Variants in BANP observed in about 807,000 individuals in gnomAD.
BANP encodes the protein protein BANP.
BANP carries 11 observed loss-of-function variants against 68.1 expected under a neutral mutation model. The ratio of observed to expected loss-of-function variants is 0.16; its 90% CI spans 0.10 to 0.27. The LOEUF (loss-of-function observed/expected upper bound fraction) is 0.27, where lower values mean the gene tolerates loss of function less well. Ranked by LOEUF, BANP falls within the 10% of genes least tolerant of loss-of-function variation. The pLI, the probability that BANP is intolerant of heterozygous loss-of-function variation, is 1.00. For synonymous variants in BANP, 329 were observed against 303.2 expected, an observed-to-expected ratio of 1.09 and a Z score of -0.88; for missense variants, 504 against 722.7, an observed-to-expected ratio of 0.70 and a Z score of 3.47.
chr16:88,047,905 A>T (rs1193030191), intron 11 of BANP, among the ~76,000 whole-genome samples: 1 of 152,220 alleles, frequency 6.6e-6, no homozygotes, highest in Admixed American at 6.5e-5. Context: ...AACATTTTGA[A>T]GATTCTATCT....
chr16:88,074,000 G>A (rs1012455929), intron 13 of BANP, among the ~76,000 whole-genome samples: 3 of 152,206 alleles, frequency 2.0e-5, no homozygotes, highest in African/African-American at 7.2e-5. Flanking sequence ...TGGACTTGGT[G>A]GTGAGCGGGT....
intron 1 of BANP, among the ~76,000 whole-genome samples, chr16:87,967,272 T>G (rs866484715): frequency 1.6e-3 from 139 of 89,044 alleles, no homozygotes; most frequent in Non-Finnish European, 2.3e-3. Context: ...TTTTTTTTTT[T>G]TTTTTTTTGT....
intron 8 of BANP, among the ~76,000 whole-genome samples, chr16:88,027,872 G>A (rs969261275): frequency 5.3e-5 from 8 of 152,262 alleles, no homozygotes; most frequent in Admixed American, 1.3e-4. Flanking sequence ...AGGCTCCTCC[G>A]TGAGGGACAG....
intron 11 of BANP, among the ~76,000 whole-genome samples, chr16:88,043,092 G>C (rs1212537135): frequency 6.6e-6 from 1 of 152,212 alleles, no homozygotes; most frequent in Non-Finnish European, 1.5e-5. Context: ...CTCGGGCTTT[G>C]TAGAGCAGAG....
At chr16:87,963,189 A>T (rs1024749383) in intron 1 of BANP, among the ~76,000 whole-genome samples, 2 of 152,002 alleles carry the variant, frequency 1.3e-5, no homozygotes, top group African/African-American at 4.8e-5. Context: ...CGATCTGGGG[A>T]TGGGCTGGGA....
In BANP at chr16:88,036,594, G is replaced by T. The variant is rs1027296029; in HGVS notation, c.1272+1200G>T. On this transcript the variant is annotated intron_variant, in intron 10 of 13. Coordinates refer to ENST00000682872, the MANE Select transcript of BANP (RefSeq NM_001386991.1). The surrounding 1 kb of genome is among the most constrained non-coding windows in gnomAD (Gnocchi z 4.2). The stretch of plus-strand genomic sequence containing the variant: ...TTCCCGGTGGGTTATCCTGAGAGGG[G>T]AGCACATGCGTAAGGGTTCTGAGGG... Among the ~76,000 whole-genome samples, 3 of 152,132 alleles carry T rather than the reference G, an allele frequency of 2.0e-5. No individual in the cohort carries two copies. The highest frequency in any genetic ancestry group is 7.2e-5 in the African/African-American group (3 of 41,406).
intron 11 of BANP, among the ~76,000 whole-genome samples, chr16:88,038,447 A>G (rs56083509): frequency 0.14 from 21,563 of 151,896 alleles, 1,780 homozygotes; most frequent in South Asian, 0.37. Context: ...CTTTTGCGCT[A>G]TGGCGGAAAC....
intron 4 of BANP, among the ~76,000 whole-genome samples, chr16:87,986,442 G>A (rs956097698): frequency 6.6e-6 from 1 of 152,184 alleles, no homozygotes; most frequent in African/African-American, 2.4e-5. Flanking sequence ...TGGCCTTGAG[G>A]GTGCCTTGCT....
rs2058376639 is a variant in BANP, at chr16:87,957,752, TC to T, written c.-69+6240del. The stretch of plus-strand genomic sequence containing the variant: ...ATTTCCTTGCCGGTGTGAATGCGCT[TC>T]CCGTAAATATGGCAGAACGCCTTCA... On this transcript the variant is annotated intron_variant, in intron 1 of 13. Transcript: ENST00000682872. The surrounding 1 kb of genome is among the most constrained non-coding windows in gnomAD (Gnocchi z 4.3). Among the ~76,000 whole-genome samples the T allele has an allele frequency of 6.6e-6, 1 of 152,234 alleles. No homozygotes were observed. The highest frequency in any genetic ancestry group is 6.5e-5 in the Admixed American group (1 of 15,282).
intron 10 of BANP, chr16:88,037,585 C>T (rs1156855519): frequency 2.8e-5 from 7 of 253,382 alleles, no homozygotes; most frequent in Non-Finnish European, 4.6e-5. Flanking sequence ...GTGGTGATGC[C>T]GCACAGCTCA....
At chr16:88,034,569 AGT>A (rs934035300) in intron 9 of BANP, among the ~76,000 whole-genome samples, 2 of 147,480 alleles carry the variant, frequency 1.4e-5, no homozygotes, top group African/African-American at 5.1e-5. Flanking sequence ...CCCTGTTGTG[AGT>A]GTAGGCACGC....
chr16:88,055,591 A>G (rs1023228739), intron 11 of BANP, among the ~76,000 whole-genome samples: 1 of 152,216 alleles, frequency 6.6e-6, no homozygotes, highest in Non-Finnish European at 1.5e-5. Flanking sequence ...AAGACATGGG[A>G]AATGTCCAAC....
chr16:88,059,816 C>T (rs900087265), intron 11 of BANP, among the ~76,000 whole-genome samples: 10 of 152,232 alleles, frequency 6.6e-5, no homozygotes, highest in South Asian at 2.1e-4. Context: ...TGTGTGAGAC[C>T]GCATGGTCAT....
chr16:87,990,754 CTTTTG>C (rs771403112), intron 4 of BANP, among the ~76,000 whole-genome samples: 6 of 152,018 alleles, frequency 3.9e-5, no homozygotes, highest in Non-Finnish European at 7.4e-5. Flanking sequence ...CAGCTGCATA[CTTTTG>C]TTTTGTTTTG....
intron 11 of BANP, among the ~76,000 whole-genome samples, chr16:88,061,373 G>A (rs2086735365): frequency 6.6e-6 from 1 of 152,254 alleles, no homozygotes; most frequent in South Asian, 2.1e-4. Context: ...AGGTCTGCAA[G>A]AAGCTTGTGT....
chr16:88,045,720 A>G (rs549307787), intron 11 of BANP, among the ~76,000 whole-genome samples: 3 of 141,498 alleles, frequency 2.1e-5, no homozygotes, highest in Admixed American at 7.8e-5. Flanking sequence ...CACCTCCTCA[A>G]ATACTCTTCT....
At position 88,057,042 on chromosome 16, in the gene BANP, A is replaced by G. The variant is rs117175944; in HGVS notation, c.1312-8225A>G. 3.3e-5 allele frequency among the ~76,000 whole-genome samples: 5 copies of G among 152,364 alleles called. No homozygotes were observed. The highest frequency in any genetic ancestry group is 5.9e-5 in the Non-Finnish European group (4 of 68,046). Reference sequence around the variant, plus strand: ...AGTGTGATTTCTGAATAACTTTACAAATCCTTTTGGTGGGATCCAAATGTG... The same window carrying G: ...AGTGTGATTTCTGAATAACTTTACAGATCCTTTTGGTGGGATCCAAATGTG... On this transcript the variant is annotated intron_variant, in intron 11 of 13. Coordinates refer to ENST00000682872, the MANE Select transcript of BANP (RefSeq NM_001386991.1). This position sits in a 1 kb window ranked among gnomAD's most constrained non-coding sequence, Gnocchi z 4.6.
At chr16:87,951,170 A>C (rs76656090), upstream of BANP, among the ~76,000 whole-genome samples, 1 of 152,204 alleles carries the variant, frequency 6.6e-6, no homozygotes, top group South Asian at 2.1e-4. Context: ...AGAAGATGCA[A>C]ATTCCTCAGA....
Position 87,964,162 on chromosome 16 carries a change from C to G in BANP, c.-68-10886C>G, listed in dbSNP as rs184929951. ...CACAACACACTTTGAAAACCTTAAT[C>G]CATGGTTTTTAAATAGCATTTCTGA... On this transcript the variant is annotated intron_variant, in intron 1 of 13. Coordinates refer to ENST00000682872, the MANE Select transcript of BANP (RefSeq NM_001386991.1). Among the ~76,000 whole-genome samples the G allele has an allele frequency of 1.8e-4, 28 of 152,298 alleles. No individual in the cohort carries two copies. In the East Asian group the frequency reaches 5.0e-3, roughly 27 times the overall value.
Sources: allele counts gnomAD v4.1 joint callset (sites outside exome capture counted in the v4.1 genomes callset), GRCh38; gene constraint gnomAD v4.1.1; non-coding constraint Gnocchi (gnomAD v3.1); transcripts MANE v1.5; gene names NCBI Gene and HGNC (gene_info 2026-07-23, HGNC 2026-07-21).